EYA1: variants seen among roughly 807,000 people sequenced by gnomAD.
EYA1 encodes the protein protein phosphatase EYA1.
Under a neutral mutation model 82.0 loss-of-function variants are expected in EYA1, and 16 were observed. That is an observed-to-expected ratio of 0.20 (90% CI 0.13 to 0.30). EYA1 has a LOEUF of 0.30. Among genes scored for constraint, EYA1 ranks in the 10% least tolerant of loss-of-function variants. EYA1 has a pLI of 1.00. For missense variants in EYA1, 633 were observed against 730.7 expected, an observed-to-expected ratio of 0.87 and a Z score of 1.54; for synonymous variants, 261 against 264.4, an observed-to-expected ratio of 0.99 and a Z score of 0.12.
At chr8:71,257,807 T>A (rs543059173) in intron 11 of EYA1, among the ~76,000 whole-genome samples, 3 of 152,280 alleles carry the variant, frequency 2.0e-5, no homozygotes, top group African/African-American at 7.2e-5. Flanking sequence ...AATCCCGGTG[T>A]AATTTAAGAA....
intron 2 of EYA1, among the ~76,000 whole-genome samples, chr8:71,516,712 T>C (rs1009262573): frequency 7.2e-5 from 11 of 152,084 alleles, no homozygotes; most frequent in African/African-American, 2.7e-4. Context: ...TAGGTTAGTA[T>C]TAGAGGATGA....
intron 2 of EYA1, among the ~76,000 whole-genome samples, chr8:71,422,807 G>T (rs935432342): frequency 7.9e-5 from 12 of 152,050 alleles, no homozygotes; most frequent in Admixed American, 1.3e-4. Flanking sequence ...CAGCATGAGG[G>T]TAACCGCCCC....
intron 2 of EYA1, chr8:71,404,712 ATCGAGACCAT>A (rs754479841): frequency 0.01 from 1,581 of 152,382 alleles, 19 homozygotes; most frequent in South Asian, 0.031. Flanking sequence ...ACGTCAGGAG[ATCGAGACCAT>A]CCTGCTTAAC....
chr8:71,391,319 C>T (rs1268708135), intron 2 of EYA1, among the ~76,000 whole-genome samples: 1 of 152,134 alleles, frequency 6.6e-6, no homozygotes, highest in African/African-American at 2.4e-5. Context: ...TTCCGTTTCA[C>T]TGTTGAGAAC....
intron 2 of EYA1, among the ~76,000 whole-genome samples, chr8:71,535,486 T>C (rs1203461787): frequency 6.6e-6 from 1 of 152,206 alleles, no homozygotes. Context: ...CATATTGGGA[T>C]AATTACATAA....
intron 17 of EYA1, 23 bp from the exon 18 acceptor site, chr8:71,199,443 T>G: frequency 6.3e-7 from 1 of 1,589,478 alleles, no homozygotes; most frequent in African/African-American, 1.3e-5. Context: ...CACACATACA[T>G]GTGAGGACAG....
At chr8:71,284,048 A>G (rs115951336) in intron 9 of EYA1, among the ~76,000 whole-genome samples, 3,698 of 152,206 alleles carry the variant, frequency 0.024, 170 homozygotes, top group African/African-American at 0.084. Context: ...CGCCCTACAG[A>G]CTTGACTGGC....
At position 71,387,400 on chromosome 8, in the gene EYA1, A is replaced by G. The variant is rs190638611; in HGVS notation, c.34-30889T>C. On this transcript the variant is annotated intron_variant, in intron 2 of 18. Coordinates refer to the EYA1 transcript ENST00000643681. ...TTTCAGATAGACCATTCTAGTTGCAATGTGTAAATGACAGATTATATAGAG... is the reference window on the plus strand; with the variant it reads ...TTTCAGATAGACCATTCTAGTTGCAGTGTGTAAATGACAGATTATATAGAG... Among the ~76,000 whole-genome samples the G allele has an allele frequency of 1.8e-4, 27 of 152,310 alleles. No homozygotes were observed. The East Asian group carries it at 5.2e-3, about 29-fold the overall frequency.
intron 1 of EYA1, among the ~76,000 whole-genome samples, chr8:71,360,837 A>G (rs1827308408): frequency 6.6e-6 from 1 of 152,230 alleles, no homozygotes; most frequent in South Asian, 2.1e-4. Context: ...AAATTCAATG[A>G]CAGCTCTGAA....
chr8:71,361,548 T>C, intron 1 of EYA1, 99 bp downstream of exon 1: 1 of 538,178 alleles, frequency 1.9e-6, no homozygotes, highest in Non-Finnish European at 2.4e-6. Context: ...TGAAAACAAA[T>C]CAAAACAATA....
At chr8:71,287,809 T>C (rs115575120) in intron 9 of EYA1, among the ~76,000 whole-genome samples, 4,808 of 152,296 alleles carry the variant, frequency 0.032, 255 homozygotes, top group African/African-American at 0.11. Context: ...GCAGCAAGCA[T>C]TGATAAATAT....
intron 2 of EYA1, among the ~76,000 whole-genome samples, chr8:71,391,669 G>T (rs574122793): frequency 6.6e-6 from 1 of 152,202 alleles, no homozygotes; most frequent in Non-Finnish European, 1.5e-5. Flanking sequence ...TTACCTTCTT[G>T]GCATGGTAGT....
intron 4 of EYA1, among the ~76,000 whole-genome samples, chr8:71,333,067 G>A (rs1824076299): frequency 6.6e-6 from 1 of 152,118 alleles, no homozygotes; most frequent in African/African-American, 2.4e-5. Context: ...GTGATGGTCT[G>A]TTCATTTGTT....
chr8:71,534,526 A>G (rs1209574473), intron 2 of EYA1, among the ~76,000 whole-genome samples: 1 of 151,990 alleles, frequency 6.6e-6, no homozygotes, highest in African/African-American at 2.4e-5. Flanking sequence ...GTTCCTGCTT[A>G]TTGCATAACA....
chr8:71,230,155 T>C (rs1416136288), intron 12 of EYA1, among the ~76,000 whole-genome samples: 2 of 152,238 alleles, frequency 1.3e-5, no homozygotes, highest in Admixed American at 6.5e-5. Flanking sequence ...GGCCTTCTCT[T>C]GCACTATTCA....
intron 2 of EYA1, among the ~76,000 whole-genome samples, chr8:71,456,553 A>T (rs928520276): frequency 1.3e-5 from 2 of 152,166 alleles, no homozygotes; most frequent in African/African-American, 4.8e-5. Flanking sequence ...TGGTACCAAA[A>T]CAGAGATATA....
At chr8:71,415,447 TACA>T (rs1205728947) in intron 2 of EYA1, among the ~76,000 whole-genome samples, 9 of 152,204 alleles carry the variant, frequency 5.9e-5, no homozygotes, top group Non-Finnish European at 1.0e-4. Context: ...AGCAAAATGA[TACA>T]ACGTGAGCTT....
intron 2 of EYA1, among the ~76,000 whole-genome samples, chr8:71,501,247 C>T (rs1365134807): frequency 2.6e-5 from 4 of 152,062 alleles, no homozygotes; most frequent in Admixed American, 6.5e-5. Context: ...AAAAGGAAGC[C>T]GGGGTCCCCT....
intron 2 of EYA1, among the ~76,000 whole-genome samples, chr8:71,383,432 G>GT (rs967038874): frequency 5.5e-4 from 83 of 151,958 alleles, no homozygotes; most frequent in Non-Finnish European, 8.8e-4. Flanking sequence ...AATTAAAGGA[G>GT]TTTTTTTAAA....
Sources: allele counts gnomAD v4.1 joint callset (sites outside exome capture counted in the v4.1 genomes callset), GRCh38; gene constraint gnomAD v4.1.1; transcripts MANE v1.5; gene names NCBI Gene and HGNC (gene_info 2026-07-23, HGNC 2026-07-21).